SPATA16: variants seen among roughly 807,000 people sequenced by gnomAD.
SPATA16 encodes spermatogenesis-associated protein 16.
In SPATA16, 36 loss-of-function variants were observed where a neutral mutation model predicts 63.3. The ratio of observed to expected loss-of-function variants is 0.57; its 90% CI spans 0.44 to 0.75. The LOEUF is 0.75. Ranked by LOEUF, SPATA16 falls within the 30% of genes least tolerant of loss-of-function variation. The pLI is 0.00. For missense variants in SPATA16, 646 were observed against 679.3 expected (o/e 0.95, Z 0.54); for synonymous variants, 203 against 216.7 (o/e 0.94, Z 0.56).
intron 3 of SPATA16, 32 bp from the exon 4 acceptor site, chr3:173,019,607 T>C (rs747703062): frequency 6.3e-7 from 1 of 1,599,734 alleles, no homozygotes; most frequent in Non-Finnish European, 8.6e-7. Flanking sequence ...GCAAATGTTA[T>C]TTGGGTTTTA....
At chr3:173,115,486 G>A (rs1342085065) in intron 2 of SPATA16, among the ~76,000 whole-genome samples, 2 of 152,268 alleles carry the variant, frequency 1.3e-5, no homozygotes, top group East Asian at 1.9e-4. Flanking sequence ...TCAAAAGACT[G>A]TTCAAAAGAA....
intron 1 of SPATA16, among the ~76,000 whole-genome samples, chr3:173,137,633 A>C (rs529138692): frequency 1.1e-4 from 17 of 152,156 alleles, no homozygotes; most frequent in Non-Finnish European, 2.2e-4. Context: ...TGACTCTCAT[A>C]TTTAACATGA....
At chr3:173,062,129 G>A (rs137993980) in intron 2 of SPATA16, among the ~76,000 whole-genome samples, 1 of 128,940 alleles carries the variant, frequency 7.8e-6, no homozygotes, top group Admixed American at 9.5e-5. Context: ...TTTTTACCTT[G>A]ATCTGACCAA....
chr3:172,908,162 T>C (rs750259472), intron 10 of SPATA16, among the ~76,000 whole-genome samples: 17 of 152,146 alleles, frequency 1.1e-4, no homozygotes, highest in Admixed American at 5.2e-4. Context: ...GATGAGTGCA[T>C]AAATGAGCAA....
At chr3:173,100,297 ATTCAG>A (rs747914472) in intron 2 of SPATA16, among the ~76,000 whole-genome samples, 6 of 152,152 alleles carry the variant, frequency 3.9e-5, no homozygotes, top group Non-Finnish European at 7.4e-5. Flanking sequence ...GTAATAGGAT[ATTCAG>A]TTCATTTATA....
chr3:173,015,064 CT>C (rs34843727), intron 4 of SPATA16, among the ~76,000 whole-genome samples: 21,071 of 136,432 alleles, frequency 0.15, 5,163 homozygotes, highest in African/African-American at 0.54. Flanking sequence ...TCTTTTTTCT[CT>C]TTTTTTTTTT....
At chr3:172,989,624 A>C (rs527573906) in intron 4 of SPATA16, among the ~76,000 whole-genome samples, 2 of 152,286 alleles carry the variant, frequency 1.3e-5, no homozygotes, top group African/African-American at 4.8e-5. Flanking sequence ...ATAGTTGCCA[A>C]CCTCATGGAG....
chr3:173,047,322 G>A (rs1163858705), intron 3 of SPATA16, among the ~76,000 whole-genome samples: 6 of 151,124 alleles, frequency 4.0e-5, no homozygotes, highest in African/African-American at 1.2e-4. Context: ...TATTAAATAC[G>A]ATTCAAAAAT....
intron 9 of SPATA16, 115 bp from the exon 10 acceptor site, chr3:172,913,859 C>T (rs976906718): frequency 1.8e-5 from 16 of 899,656 alleles, no homozygotes; most frequent in African/African-American, 1.2e-4. Flanking sequence ...TTTTATTACT[C>T]ATCTTTCCTA....
intron 2 of SPATA16, among the ~76,000 whole-genome samples, chr3:173,113,493 A>T (rs1737804100): frequency 6.6e-6 from 1 of 152,264 alleles, no homozygotes; most frequent in Non-Finnish European, 1.5e-5. Flanking sequence ...GCATGTTTAC[A>T]TAAATGCCTG....
chr3:172,905,940 C>A (rs1026283552), intron 10 of SPATA16, among the ~76,000 whole-genome samples: 2 of 152,180 alleles, frequency 1.3e-5, no homozygotes, highest in African/African-American at 4.8e-5. Context: ...CTCATTTAGT[C>A]TTCAATCAGT....
At chr3:172,948,030 A>G (rs1733334363) in intron 6 of SPATA16, among the ~76,000 whole-genome samples, 1 of 149,182 alleles carries the variant, frequency 6.7e-6, no homozygotes, top group South Asian at 2.1e-4. Flanking sequence ...ATTGGCTTTA[A>G]AGAGGAAGTA....
intron 8 of SPATA16, among the ~76,000 whole-genome samples, chr3:172,922,766 C>G (rs1184919110): frequency 1.3e-5 from 2 of 151,812 alleles, no homozygotes; most frequent in East Asian, 1.9e-4. Flanking sequence ...ACTAAAAATA[C>G]AAAAAAATTA....
intron 4 of SPATA16, among the ~76,000 whole-genome samples, chr3:173,015,007 T>C (rs900925210): frequency 6.6e-6 from 1 of 152,168 alleles, no homozygotes. Context: ...TGTTTTTGTA[T>C]CCCTTATCTA....
At chr3:172,982,015 A>G (rs1298805362) in intron 4 of SPATA16, among the ~76,000 whole-genome samples, 2 of 152,182 alleles carry the variant, frequency 1.3e-5, no homozygotes, top group Non-Finnish European at 2.9e-5. Flanking sequence ...AAGGGCAGAG[A>G]TTTTTGTCTG....
chr3:173,029,141 A>C (rs1735538110), intron 3 of SPATA16, among the ~76,000 whole-genome samples: 1 of 152,096 alleles, frequency 6.6e-6, no homozygotes, highest in Non-Finnish European at 1.5e-5. Flanking sequence ...GGAAACATTT[A>C]AATGATATTT....
chr3:172,902,746 G>A (rs1732149501), intron 10 of SPATA16, among the ~76,000 whole-genome samples: 1 of 152,162 alleles, frequency 6.6e-6, no homozygotes, highest in South Asian at 2.1e-4. Flanking sequence ...AGTCATTTCG[G>A]TAGAGTACAC....
intron 3 of SPATA16, among the ~76,000 whole-genome samples, chr3:173,033,315 A>G (rs919500687): frequency 2.0e-5 from 3 of 152,122 alleles, no homozygotes; most frequent in East Asian, 3.8e-4. Flanking sequence ...CTTCATCTAC[A>G]TTGTAATCCC....
intron 4 of SPATA16, among the ~76,000 whole-genome samples, chr3:173,008,606 A>G (rs1288716185): frequency 6.6e-6 from 1 of 152,210 alleles, no homozygotes; most frequent in African/African-American, 2.4e-5. Context: ...AAATAATAAA[A>G]TATTAAAAAC....
Sources: allele counts gnomAD v4.1 joint callset (sites outside exome capture counted in the v4.1 genomes callset), GRCh38; gene constraint gnomAD v4.1.1; transcripts MANE v1.5; gene names NCBI Gene and HGNC (gene_info 2026-07-23, HGNC 2026-07-21).